The following ARHGAP22 variants were observed in gnomAD, a reference collection of about 807,000 sequenced individuals.
The protein encoded by ARHGAP22 is rho GTPase-activating protein 22.
In ARHGAP22, 48 loss-of-function variants were observed where a neutral mutation model predicts 59.1. That is an observed-to-expected ratio of 0.81 (90% CI 0.64 to 1.03). ARHGAP22 has a LOEUF of 1.03. Among genes scored for constraint, ARHGAP22 ranks in the 50% least tolerant of loss-of-function variants. The pLI, the probability that ARHGAP22 is intolerant of heterozygous loss-of-function variation, is 0.00. For missense variants in ARHGAP22, 1,015 were observed against 958.7 expected (o/e 1.06, Z -0.78); for synonymous variants, 445 against 416.4 (o/e 1.07, Z -0.84).
chr10:48,501,655 C>T (rs1035263002), intron 3 of ARHGAP22, among the ~76,000 whole-genome samples: 3 of 151,822 alleles, frequency 2.0e-5, no homozygotes, highest in Non-Finnish European at 2.9e-5. Flanking sequence ...AATTTGTACA[C>T]GTGCATAAAA....
chr10:48,442,562 T>C (rs1384413573), downstream of ARHGAP22, among the ~76,000 whole-genome samples: 1 of 150,080 alleles, frequency 6.7e-6, no homozygotes, highest in Non-Finnish European at 1.5e-5. Flanking sequence ...CCACCACCAG[T>C]GTGCAGCTGA....
intron 3 of ARHGAP22, chr10:48,493,392 CCAGCCTGGTCCTCA>C: frequency 1.3e-6 from 2 of 1,510,878 alleles, no homozygotes; most frequent in Non-Finnish European, 1.8e-6. Context: ...CCCCAGTCTC[CCAGCCTGGTCCTCA>C]CAGCCTGCCA....
intron 1 of ARHGAP22, among the ~76,000 whole-genome samples, chr10:48,647,855 A>G (rs2062376291): frequency 1.3e-5 from 2 of 152,236 alleles, no homozygotes; most frequent in Non-Finnish European, 2.9e-5. Context: ...ACTCAGCTAC[A>G]AAGGAGCACA....
intron 6 of ARHGAP22, 52 bp from the exon 7 acceptor site, chr10:48,454,213 T>G: frequency 1.3e-6 from 2 of 1,524,138 alleles, no homozygotes; most frequent in Non-Finnish European, 1.8e-6. Context: ...GCCCTGACTG[T>G]TCTCTGACTG....
chr10:48,482,155 C>T (rs1012255714), intron 3 of ARHGAP22, among the ~76,000 whole-genome samples: 6 of 152,096 alleles, frequency 3.9e-5, no homozygotes, highest in Non-Finnish European at 5.9e-5. Flanking sequence ...GAGTGTGCTT[C>T]CTGCATTGTA....
upstream of ARHGAP22, chr10:48,655,560 A>G: frequency 6.5e-6 from 1 of 152,826 alleles, no homozygotes; most frequent in Non-Finnish European, 1.5e-5. Flanking sequence ...AAGCGGGCAC[A>G]GCTGGGCACA....
chr10:48,441,804 G>A (rs1776548918), downstream of ARHGAP22, among the ~76,000 whole-genome samples: 1 of 152,264 alleles, frequency 6.6e-6, no homozygotes, highest in East Asian at 1.9e-4. Flanking sequence ...GGTCTACTGG[G>A]TCCTGCGGGT....
intron 3 of ARHGAP22, among the ~76,000 whole-genome samples, chr10:48,497,095 G>C (rs1441726235): frequency 6.6e-6 from 1 of 152,078 alleles, no homozygotes; most frequent in Non-Finnish European, 1.5e-5. Flanking sequence ...TGACCTCCTA[G>C]GGGTTTGACA....
chr10:48,545,808 A>G (rs935489529), intron 3 of ARHGAP22, among the ~76,000 whole-genome samples: 2 of 152,228 alleles, frequency 1.3e-5, no homozygotes, highest in Admixed American at 1.3e-4. Flanking sequence ...GGCGACTTCA[A>G]TGACCTTGTG....
chr10:48,640,244 A>C (rs549489545), intron 1 of ARHGAP22, among the ~76,000 whole-genome samples: 12 of 152,346 alleles, frequency 7.9e-5, no homozygotes, highest in African/African-American at 2.6e-4. Context: ...AACATAAAGC[A>C]TGCCAACATA....
chr10:48,555,363 G>T, intron 3 of ARHGAP22, 100 bp downstream of exon 3: 2 of 1,150,566 alleles, frequency 1.7e-6, no homozygotes, highest in Non-Finnish European at 2.6e-6. Flanking sequence ...CTGTGCTGTG[G>T]CTCCTGCGGG....
At chr10:48,472,604 C>A (rs539569919) in intron 4 of ARHGAP22, among the ~76,000 whole-genome samples, 78 of 152,228 alleles carry the variant, frequency 5.1e-4, no homozygotes, top group African/African-American at 1.9e-3. Flanking sequence ...AAGCCTCTAC[C>A]TTCTGGCCAC....
At chr10:48,644,950 A>C (rs1450583024) in intron 1 of ARHGAP22, among the ~76,000 whole-genome samples, 1 of 152,110 alleles carries the variant, frequency 6.6e-6, no homozygotes, top group Non-Finnish European at 1.5e-5. Context: ...TGAACTAGAA[A>C]ACAGTAAAAC....
chr10:48,523,100 GAGGA>G (rs1486638962), intron 3 of ARHGAP22, among the ~76,000 whole-genome samples: 1 of 152,214 alleles, frequency 6.6e-6, no homozygotes, highest in East Asian at 1.9e-4. Context: ...ACACTTTTCG[GAGGA>G]AGGAAGACCT....
the ARHGAP22 span, among the ~76,000 whole-genome samples, chr10:48,440,979 A>G: frequency 5.9e-5 from 9 of 152,350 alleles, no homozygotes; most frequent in African/African-American, 2.2e-4. Flanking sequence ...TGGGCAGCAC[A>G]CAAGAGATGG....
chr10:48,470,195 C>T (rs1326435446), intron 4 of ARHGAP22, among the ~76,000 whole-genome samples: 1 of 152,216 alleles, frequency 6.6e-6, no homozygotes, highest in African/African-American at 2.4e-5. Context: ...ATGGGCATTT[C>T]TCATCAGAGC....
intron 9 of ARHGAP22, among the ~76,000 whole-genome samples, chr10:48,448,874 G>T (rs1012256748): frequency 6.6e-6 from 1 of 152,134 alleles, no homozygotes; most frequent in African/African-American, 2.4e-5. Context: ...AAAGTTTCCC[G>T]AGCGCTCTCA....
intron 1 of ARHGAP22, among the ~76,000 whole-genome samples, chr10:48,589,961 G>T (rs905797376): frequency 1.3e-5 from 2 of 152,120 alleles, no homozygotes; most frequent in Non-Finnish European, 2.9e-5. Context: ...ATTTTCCTGT[G>T]TGTAGCTCCC....
At chr10:48,556,278 A>T (rs1479649724) in intron 2 of ARHGAP22, among the ~76,000 whole-genome samples, 1 of 148,144 alleles carries the variant, frequency 6.8e-6, no homozygotes, top group Non-Finnish European at 1.5e-5. Context: ...CCACATCTGC[A>T]CAATGGGACA....
Sources: gnomAD v4.1 joint callset for allele counts (sites outside exome capture counted in the v4.1 genomes callset) on GRCh38, gnomAD v4.1.1 for gene constraint, MANE v1.5 for transcripts, NCBI Gene and HGNC (gene_info 2026-07-23, HGNC 2026-07-21) for gene names.